FAM153A: variants seen among roughly 807,000 people sequenced by gnomAD.
FAM153A encodes the protein family with sequence similarity 153 member A.
FAM153A carries 12 observed loss-of-function variants against 48.1 expected under a neutral mutation model. The observed-to-expected ratio is 0.25, with a 90% confidence interval of 0.16 to 0.40. The LOEUF is 0.40. Ranked by LOEUF, FAM153A falls within the 10% of genes least tolerant of loss-of-function variation. The pLI is 1.00. For synonymous variants in FAM153A, 36 were observed against 118.2 expected (o/e 0.30, Z 4.51); for missense variants, 111 against 345.8 (o/e 0.32, Z 5.38).
At chr5:177,755,963 A>T (rs1472851977), upstream of FAM153A, among the ~76,000 whole-genome samples, 1 of 145,442 alleles carries the variant, frequency 6.9e-6, no homozygotes, top group African/African-American at 2.8e-5. Context: ...TCATAATGAC[A>T]GGATCAAATT....
At chr5:177,713,997 A>G (rs766572753) in intron 25 of FAM153A, 3 of 151,638 alleles carry the variant, frequency 2.0e-5, no homozygotes, top group Non-Finnish European at 4.4e-5. Context: ...TAACCAAAAC[A>G]TTTCATAAGA....
downstream of FAM153A, among the ~76,000 whole-genome samples, chr5:177,709,487 G>C (rs1162734583): frequency 7.0e-6 from 1 of 142,752 alleles, no homozygotes; most frequent in Non-Finnish European, 1.5e-5. Flanking sequence ...TCAGCCTCCC[G>C]AATAGCTGGG....
upstream of FAM153A, among the ~76,000 whole-genome samples, chr5:177,755,626 C>G (rs1007712834): frequency 6.6e-6 from 1 of 151,826 alleles, no homozygotes; most frequent in Non-Finnish European, 1.5e-5. Flanking sequence ...ATCAGACTAA[C>G]AGCTGATCTC....
At chr5:177,760,253 T>TTTTA (rs1768197278) in intron 1 of FAM153A, among the ~76,000 whole-genome samples, 1 of 119,146 alleles carries the variant, frequency 8.4e-6, no homozygotes. Flanking sequence ...TTTTTTTTTT[T>TTTTA]TGAGATGGAG....
At chr5:177,708,502 G>A (rs538141177), downstream of FAM153A, among the ~76,000 whole-genome samples, 50 of 151,934 alleles carry the variant, frequency 3.3e-4, no homozygotes, top group East Asian at 7.7e-3. Context: ...GCTTGAACCC[G>A]GGAGGCGGAG....
chr5:177,697,411 C>T, the FAM153A span, among the ~76,000 whole-genome samples: 66 of 151,606 alleles, frequency 4.4e-4, no homozygotes, highest in African/African-American at 1.5e-3. Context: ...GCTCTGATCC[C>T]GACAATTTCC....
At chr5:177,719,445 GAGAGAGAA>G (rs1396305189), downstream of FAM153A, among the ~76,000 whole-genome samples, 2 of 150,758 alleles carry the variant, frequency 1.3e-5, no homozygotes, top group African/African-American at 5.0e-5. Context: ...AGGGAGGAGA[GAGAGAGAA>G]AGAGAGAAAA....
downstream of FAM153A, among the ~76,000 whole-genome samples, chr5:177,706,227 T>C (rs1757877094): frequency 6.6e-6 from 1 of 151,716 alleles, no homozygotes; most frequent in Non-Finnish European, 1.5e-5. Flanking sequence ...GACAGAGTCT[T>C]GCTCTGTCGC....
chr5:177,737,785 G>A (rs543952760), intron 10 of FAM153A, among the ~76,000 whole-genome samples: 1 of 151,802 alleles, frequency 6.6e-6, no homozygotes, highest in East Asian at 1.9e-4. Context: ...CCCCCAAACT[G>A]CTGGAATTAC....
At chr5:177,772,087 T>C (rs2127720302) in intron 1 of FAM153A, among the ~76,000 whole-genome samples, 1 of 98,892 alleles carries the variant, frequency 1.0e-5, no homozygotes, top group Admixed American at 1.0e-4. Flanking sequence ...CACAAATGCA[T>C]TATATAAGGT....
At chr5:177,695,910 A>ATGATGGG in the FAM153A span, among the ~76,000 whole-genome samples, 1 of 113,214 alleles carries the variant, frequency 8.8e-6, no homozygotes. Context: ...CACTTCCCAG[A>ATGATGGG]CAGGGTGGCC....
Position 177,746,762 on chromosome 5 carries a change from A to C in FAM153A, c.259+1007T>G, listed in dbSNP as rs1426408153. 1.5e-4 allele frequency among the ~76,000 whole-genome samples: 22 copies of C among 151,436 alleles called. No individual in the cohort carries two copies. In the South Asian group the frequency reaches 1.5e-3, roughly 10 times the overall value. On this transcript the variant is annotated intron_variant, in intron 4 of 20. Coordinates refer to ENST00000614127, the Ensembl canonical transcript of FAM153A. ...CAGGTGGGGGCGCTGACCCTCTGTT[A>C]CCCAGCTGTGCAGAGATTCCAGCAG...
At chr5:177,754,953 G>C (rs1471805538), upstream of FAM153A, among the ~76,000 whole-genome samples, 1 of 151,914 alleles carries the variant, frequency 6.6e-6, no homozygotes, top group African/African-American at 2.4e-5. Context: ...AAGGAACGCA[G>C]CTCCTCACCA....
At chr5:177,724,010 C>G (rs925363902) in exon 21 of FAM153A, 4 of 783,716 alleles carry the variant, frequency 5.1e-6, no homozygotes, top group Admixed American at 5.5e-5. Context: ...CACTAAGCAG[C>G]CTGTGGAGGG....
rs1190462839 is a variant in FAM153A, at chr5:177,770,880, C to T, written c.-57+9569G>A. On this transcript the variant is annotated intron_variant, in intron 1 of 8. Coordinates refer to the FAM153A transcript ENST00000393518. ...TAGGAGAAATCTCTGTACCTTCCTC[C>T]GATTTTGCTGTGAACCTAAAACTGC... Among the ~76,000 whole-genome samples, 7 of 98,574 alleles carry T rather than the reference C, an allele frequency of 7.1e-5. 3 individuals are homozygous for T. The highest frequency in any genetic ancestry group is 1.6e-4 in the African/African-American group (4 of 24,982). 64.7% of individuals were successfully genotyped at this position (98,574 alleles called of 152,430 possible).
At chr5:177,696,653 C>T in the FAM153A span, among the ~76,000 whole-genome samples, 2,476 of 150,010 alleles carry the variant, frequency 0.017, 36 homozygotes, top group Non-Finnish European at 0.023. Context: ...ATCCCTATGC[C>T]AGTACACTCT....
chr5:177,761,138 T>A (rs62399964), intron 1 of FAM153A, among the ~76,000 whole-genome samples: 2 of 146,660 alleles, frequency 1.4e-5, no homozygotes, highest in Admixed American at 1.4e-4. Flanking sequence ...AGAACTTACA[T>A]GACTACCACC....
chr5:177,705,658 C>CTTTTT (rs70994931), downstream of FAM153A, among the ~76,000 whole-genome samples: 62 of 79,596 alleles, frequency 7.8e-4, no homozygotes, highest in South Asian at 1.9e-3. Context: ...TTTTCTTTTT[C>CTTTTT]TTTTTTTTTT....
intron 1 of FAM153A, among the ~76,000 whole-genome samples, chr5:177,761,397 C>T (rs1768304468): frequency 6.6e-6 from 1 of 151,898 alleles, no homozygotes; most frequent in African/African-American, 2.4e-5. Context: ...GGTCACCAGG[C>T]CCCCTCGGCT....
Sources: gnomAD v4.1 joint callset for allele counts (sites outside exome capture counted in the v4.1 genomes callset) on GRCh38, gnomAD v4.1.1 for gene constraint, MANE v1.5 for transcripts, NCBI Gene and HGNC (gene_info 2026-07-23, HGNC 2026-07-21) for gene names.